FGF10: variants seen among roughly 807,000 people sequenced by gnomAD.
FGF10 encodes the protein fibroblast growth factor 10.
FGF10 carries 2 observed loss-of-function variants against 19.8 expected under a neutral mutation model. The ratio of observed to expected loss-of-function variants is 0.10; its 90% CI spans 0.04 to 0.32. The LOEUF (loss-of-function observed/expected upper bound fraction) is 0.32. Among genes scored for constraint, FGF10 ranks in the 10% least tolerant of loss-of-function variants. FGF10 has a pLI of 1.00. For synonymous variants in FGF10, 112 were observed against 94.0 expected, an observed-to-expected ratio of 1.19 and a Z score of -1.10; for missense variants, 191 against 246.3, an observed-to-expected ratio of 0.78 and a Z score of 1.50.
intron 1 of FGF10, among the ~76,000 whole-genome samples, chr5:44,324,734 A>C (rs555533092): frequency 3.3e-5 from 5 of 152,330 alleles, no homozygotes; most frequent in Non-Finnish European, 7.4e-5. Context: ...GCTGGAAAAG[A>C]CTGGACAAAT....
chr5:44,302,526 A>ATTTGT lies in FGF10; in HGVS notation c.*2464_*2468dup, dbSNP rs754795189. 8.6e-5 allele frequency among the ~76,000 whole-genome samples: 13 copies of ATTTGT among 151,784 alleles called. No individual in the cohort carries two copies. The highest frequency in any genetic ancestry group is 2.0e-4 in the Admixed American group (3 of 15,210). ...GGTATATGCCACCACGCATGGCTAC[A>ATTTGT]TTTGTTTTGTTTTGTTTTGTTTAAG... On this transcript the variant is annotated 3_prime_UTR_variant, in exon 3 of 3. Coordinates refer to ENST00000264664, the MANE Select transcript of FGF10 (RefSeq NM_004465.2).
intron 1 of FGF10, among the ~76,000 whole-genome samples, chr5:44,363,086 A>G (rs1741527861): frequency 6.6e-6 from 1 of 151,708 alleles, no homozygotes; most frequent in Non-Finnish European, 1.5e-5. Flanking sequence ...AACAATATCA[A>G]TTTTCCTGGA....
intron 1 of FGF10, among the ~76,000 whole-genome samples, chr5:44,331,611 G>A (rs1203890437): frequency 6.6e-6 from 1 of 152,028 alleles, no homozygotes; most frequent in Non-Finnish European, 1.5e-5. Flanking sequence ...TGTGCAATTA[G>A]GGTTCTTTCC....
intron 1 of FGF10, among the ~76,000 whole-genome samples, chr5:44,355,123 A>G (rs1449697721): frequency 3.3e-5 from 5 of 151,526 alleles, no homozygotes; most frequent in Non-Finnish European, 5.9e-5. Context: ...ACAATTTACA[A>G]GAACATTCAT....
chr5:44,386,450 A>C (rs1742098917), intron 1 of FGF10, among the ~76,000 whole-genome samples: 1 of 152,138 alleles, frequency 6.6e-6, no homozygotes, highest in Non-Finnish European at 1.5e-5. Flanking sequence ...GTTGTTGTTA[A>C]TTCCCAGCTC....
intron 1 of FGF10, among the ~76,000 whole-genome samples, chr5:44,313,589 T>TG (rs35678040): frequency 1.7e-4 from 5 of 30,076 alleles, no homozygotes; most frequent in African/African-American, 7.5e-4. Flanking sequence ...TAAAAAAAGG[T>TG]TTTTTTTTTT....
intron 2 of FGF10, among the ~76,000 whole-genome samples, chr5:44,308,778 T>C (rs189046259): frequency 1.3e-5 from 2 of 152,162 alleles, no homozygotes; most frequent in Non-Finnish European, 2.9e-5. Context: ...ATTAGTAAAA[T>C]ACAAGGCTAC....
intron 1 of FGF10, among the ~76,000 whole-genome samples, chr5:44,358,036 A>T (rs1200802659): frequency 6.6e-6 from 1 of 151,434 alleles, no homozygotes; most frequent in East Asian, 1.9e-4. Flanking sequence ...TGAGGGGGGC[A>T]AGGGCATTTC....
Position 44,304,426 on chromosome 5 carries a change from A to T in FGF10, c.*569T>A, listed in dbSNP as rs939469513. 1.9e-5 allele frequency: 3 copies of T among 154,642 alleles called. No homozygotes were observed. Among genetic ancestry groups the T allele is most frequent in the African/African-American group, 7.2e-5 (3 of 41,476 alleles). 9.6% of individuals were successfully genotyped at this position (154,642 alleles called of 1,614,324 possible). The stretch of plus-strand genomic sequence containing the variant: ...TGCACAAGCATACCATACTATTTGT[A>T]TTGTTAGAACAGTTTCACACTAACA... On this transcript the variant is annotated 3_prime_UTR_variant, in exon 3 of 3. Transcript: ENST00000264664.
Position 44,382,565 on chromosome 5 carries a change from C to T in FGF10, c.325+5793G>A, listed in dbSNP as rs569784996. Among the ~76,000 whole-genome samples the T allele has an allele frequency of 3.3e-5, 5 of 152,180 alleles. No individual in the cohort carries two copies. The South Asian group carries it at 1.0e-3, about 32-fold the overall frequency. ...GACTGACACAGATAAAGGTAACATG[C>T]ACTGAGAAGAAAGAGTGCCGATTAC... On this transcript the variant is annotated intron_variant, in intron 1 of 2. Transcript: ENST00000264664.
intron 1 of FGF10, among the ~76,000 whole-genome samples, chr5:44,370,362 C>G (rs375724026): frequency 2.0e-5 from 3 of 152,076 alleles, no homozygotes; most frequent in East Asian, 1.9e-4. Flanking sequence ...ATTTATTTGC[C>G]TAGTCTCAGA....
chr5:44,365,241 T>C (rs1033084936), intron 1 of FGF10, among the ~76,000 whole-genome samples: 4 of 151,088 alleles, frequency 2.6e-5, no homozygotes, highest in African/African-American at 9.7e-5. Flanking sequence ...GGTTGTCTTG[T>C]AGGATTCCAG....
intron 1 of FGF10, among the ~76,000 whole-genome samples, chr5:44,347,260 ACT>A (rs1741109578): frequency 6.6e-6 from 1 of 150,858 alleles, no homozygotes; most frequent in Non-Finnish European, 1.5e-5. Flanking sequence ...GCCTCACTCG[ACT>A]CTCTCCTTCA....
In FGF10 at chr5:44,323,848, AC is replaced by A. The variant is rs576100080; in HGVS notation, c.326-13319del. On this transcript the variant is annotated intron_variant, in intron 1 of 2. Coordinates refer to ENST00000264664, the MANE Select transcript of FGF10 (RefSeq NM_004465.2). ...AAGTGCTCATGCCCTTTAAGAAAAAACATGATCTATCTGATCCAATTTGAAA... is the reference window on the plus strand; with the variant it reads ...AAGTGCTCATGCCCTTTAAGAAAAAAATGATCTATCTGATCCAATTTGAAA... Among the ~76,000 whole-genome samples, 989 of 152,252 alleles carry A rather than the reference AC, an allele frequency of 6.5e-3. 6 individuals carry two copies. Among genetic ancestry groups the A allele is most frequent in the South Asian group, 7.5e-3 (36 of 4,824 alleles).
At chr5:44,381,470 T>TAA (rs200345651) in intron 1 of FGF10, among the ~76,000 whole-genome samples, 1 of 137,014 alleles carries the variant, frequency 7.3e-6, no homozygotes, top group Non-Finnish European at 1.6e-5. Context: ...ATAAAAGTAA[T>TAA]AAAAAAAAAA....
chr5:44,333,747 T>C (rs1740788194), intron 1 of FGF10, among the ~76,000 whole-genome samples: 1 of 152,122 alleles, frequency 6.6e-6, no homozygotes, highest in Admixed American at 6.6e-5. Context: ...CTGTGTTCCA[T>C]ATTTTCAACA....
chr5:44,345,120 C>G (rs1377672156), intron 1 of FGF10, among the ~76,000 whole-genome samples: 2 of 151,746 alleles, frequency 1.3e-5, no homozygotes, highest in African/African-American at 4.8e-5. Context: ...TTTAAAGCAT[C>G]CACACTAGCT....
chr5:44,309,582 C>T (rs17228137), intron 2 of FGF10, among the ~76,000 whole-genome samples: 32,588 of 152,006 alleles, frequency 0.21, 3,622 homozygotes, highest in Admixed American at 0.32. Context: ...CAATATCTGG[C>T]ATATAGTAGA....
intron 1 of FGF10, among the ~76,000 whole-genome samples, chr5:44,328,631 G>A (rs1740665454): frequency 2.6e-5 from 4 of 152,194 alleles, no homozygotes; most frequent in South Asian, 4.1e-4. Flanking sequence ...GCATGGTGAT[G>A]CATGCCTGTG....
Sources: allele counts gnomAD v4.1 joint callset (sites outside exome capture counted in the v4.1 genomes callset), GRCh38; gene constraint gnomAD v4.1.1; transcripts MANE v1.5; gene names NCBI Gene and HGNC (gene_info 2026-07-23, HGNC 2026-07-21).